The following ACOT11 variants were observed in gnomAD, a reference collection of about 807,000 sequenced individuals.
ACOT11 encodes acyl-CoA thioesterase 11.
Under a neutral mutation model 77.5 loss-of-function variants are expected in ACOT11, and 69 were observed. The observed-to-expected ratio is 0.89, with a 90% CI of 0.73 to 1.09. The LOEUF is 1.09. Ranked by LOEUF, ACOT11 falls within the 50% of genes least tolerant of loss-of-function variation. The pLI, the probability that ACOT11 is intolerant of heterozygous loss-of-function variation, is 0.00. For synonymous variants in ACOT11, 279 were observed against 313.0 expected (o/e 0.89, Z 1.15); for missense variants, 766 against 813.7 (o/e 0.94, Z 0.71).
intron 1 of ACOT11, chr1:54,582,643 TC>T: frequency 2.2e-6 from 1 of 457,488 alleles, no homozygotes; most frequent in Non-Finnish European, 2.9e-6. Context: ...TGACTGCTGG[TC>T]CAGGACTGTG....
chr1:54,616,017 T>C, intron 15 of ACOT11: 1 of 1,613,490 alleles, frequency 6.2e-7, no homozygotes, highest in Non-Finnish European at 8.5e-7. Flanking sequence ...GAGAGGCCCT[T>C]ACCCTTTTGG....
At chr1:54,551,241 T>C (rs2100932950) in intron 1 of ACOT11, among the ~76,000 whole-genome samples, 1 of 151,274 alleles carries the variant, frequency 6.6e-6, no homozygotes, top group South Asian at 2.1e-4. Flanking sequence ...TCTCAGATAA[T>C]CCACAAGCCC....
chr1:54,583,269 G>T (rs12408715), intron 1 of ACOT11, among the ~76,000 whole-genome samples: 1 of 151,968 alleles, frequency 6.6e-6, no homozygotes, highest in African/African-American at 2.4e-5. Flanking sequence ...CGTGTTTCTG[G>T]GAACCCATAA....
intron 4 of ACOT11, 123 bp downstream of exon 4, chr1:54,592,729 G>A (rs1255585120): frequency 1.1e-6 from 1 of 936,052 alleles, no homozygotes; most frequent in African/African-American, 1.7e-5. Flanking sequence ...GAGCAGCAGA[G>A]TTCTGTAATG....
chr1:54,619,932 C>A (rs147294199), intron 15 of ACOT11: 2 of 1,614,064 alleles, frequency 1.2e-6, no homozygotes, highest in Non-Finnish European at 1.7e-6. Flanking sequence ...CAAGGCATCT[C>A]GCCGGCTGAT....
intron 1 of ACOT11, among the ~76,000 whole-genome samples, chr1:54,581,640 G>A (rs1192031819): frequency 2.0e-5 from 3 of 152,110 alleles, no homozygotes; most frequent in African/African-American, 4.8e-5. Context: ...CACAGCTGCT[G>A]TCTGAGAGGG....
At chr1:54,585,338 G>A (rs1654460625) in intron 2 of ACOT11, among the ~76,000 whole-genome samples, 1 of 152,174 alleles carries the variant, frequency 6.6e-6, no homozygotes, top group African/African-American at 2.4e-5. Context: ...CACTGTTTCA[G>A]AGGCCCTGAC....
At chr1:54,549,042 T>A (rs1652973650) in intron 1 of ACOT11, among the ~76,000 whole-genome samples, 1 of 152,104 alleles carries the variant, frequency 6.6e-6, no homozygotes, top group Non-Finnish European at 1.5e-5. Flanking sequence ...CTGAGGATAT[T>A]TTCAGGAAAA....
At chr1:54,624,098 C>T (rs1046949916) in intron 15 of ACOT11, among the ~76,000 whole-genome samples, 19 of 152,284 alleles carry the variant, frequency 1.2e-4, no homozygotes, top group Non-Finnish European at 1.5e-5. Flanking sequence ...GTCACCACTT[C>T]ATGCAGAGGG....
rs1644072611 is a variant in ACOT11, at chr1:54,608,937, C to T, written c.1630-20C>T. The T allele has an allele frequency of 2.1e-5, 34 of 1,612,930 alleles. 1 individual carries two copies. The highest frequency in any genetic ancestry group is 2.7e-5 in the Non-Finnish European group (32 of 1,179,320). On this transcript the variant is annotated intron_variant, in intron 15 of 15. Coordinates refer to ENST00000343744, the MANE Select transcript of ACOT11 (RefSeq NM_147161.4). ...CCTCCCCTAGCTTGGTCCCCCTGAG[C>T]TTGGCTTCCCACCCTGCAGGTATCC...
At chr1:54,578,205 C>A (rs181189330) in intron 1 of ACOT11, among the ~76,000 whole-genome samples, 1 of 152,068 alleles carries the variant, frequency 6.6e-6, no homozygotes, top group Non-Finnish European at 1.5e-5. Context: ...GCTTGCTGCC[C>A]GTTAAGAATC....
downstream of ACOT11, chr1:54,614,902 C>T: frequency 1.3e-6 from 2 of 1,597,358 alleles, no homozygotes; most frequent in South Asian, 1.1e-5. Flanking sequence ...GGCGAAGGAA[C>T]TAGGAATACA....
At chr1:54,634,669 T>C (rs1440157705) in intron 16 of ACOT11, 1 of 701,338 alleles carries the variant, frequency 1.4e-6, no homozygotes, top group Non-Finnish European at 2.6e-6. Context: ...GGGTAGAGGT[T>C]ATGCTTGCGT....
chr1:54,603,918 C>G lies in ACOT11; in HGVS notation c.1133C>G (p.Pro378Arg), dbSNP rs976824842. Reference sequence around the variant, plus strand: ...CAGACAGAGGTGCCCCTCTCCGTCCCCTGGGACCCTAGCAACCAGGTAAGG... The same window carrying G: ...CAGACAGAGGTGCCCCTCTCCGTCCGCTGGGACCCTAGCAACCAGGTAAGG... Reference protein sequence around the residue: ...CKQTEVPLSVPWDPSNQVYLS... With the variant: ...CKQTEVPLSVRWDPSNQVYLS... The change falls in exon 11 of 16, where the codon CCC (proline) becomes CGC (arginine). Residue 378 changes from proline (P) to arginine (R), a missense_variant. Coordinates refer to ENST00000343744, the MANE Select transcript of ACOT11 (RefSeq NM_147161.4). The G allele has an allele frequency of 6.2e-7, 1 of 1,614,124 alleles. No individual in the cohort carries two copies. The highest frequency in any genetic ancestry group is 8.5e-7 in the Non-Finnish European group (1 of 1,179,998).
At chr1:54,548,509 A>C in intron 1 of ACOT11, 167 bp downstream of exon 1, 1 of 900,510 alleles carries the variant, frequency 1.1e-6, no homozygotes, top group South Asian at 1.7e-5. Flanking sequence ...GGGCTGGTTT[A>C]TTATCAGCAG....
chr1:54,548,412 C>T (rs1652948055), intron 1 of ACOT11, 70 bp downstream of exon 1: 11 of 1,530,734 alleles, frequency 7.2e-6, no homozygotes, highest in Non-Finnish European at 8.9e-6. Context: ...TTGATGTTTC[C>T]ATTTTAACTC....
chr1:54,564,344 T>C (rs1444563834), intron 1 of ACOT11, among the ~76,000 whole-genome samples: 1 of 152,266 alleles, frequency 6.6e-6, no homozygotes, highest in African/African-American at 2.4e-5. Context: ...AGTGCTTGGC[T>C]AACAGCACCC....
chr1:54,611,695 T>A, downstream of ACOT11: 1 of 1,614,080 alleles, frequency 6.2e-7, no homozygotes, highest in Non-Finnish European at 8.5e-7. Context: ...GTAGAGCAGA[T>A]CTTCCACCGA....
At position 54,609,879 on chromosome 1, in the gene ACOT11, G is replaced by GC. The variant is rs529394795; in HGVS notation, c.*768dup. 80 of 1,613,344 alleles carry GC rather than the reference G, an allele frequency of 5.0e-5. No homozygotes were observed. The African/African-American group carries it at 9.9e-4, about 20-fold the overall frequency. ...TTGCCACTTGGAGTATGAACAATGGGCACGGGGTTTTCAGCCACAGTTCCC... is the reference window on the plus strand; with the variant it reads ...TTGCCACTTGGAGTATGAACAATGGGCCACGGGGTTTTCAGCCACAGTTCCC... On this transcript the variant is annotated 3_prime_UTR_variant, in exon 16 of 16. Transcript: ENST00000343744.
Sources: gnomAD v4.1 joint callset for allele counts (sites outside exome capture counted in the v4.1 genomes callset) on GRCh38, gnomAD v4.1.1 for gene constraint, MANE v1.5 for transcripts, NCBI Gene and HGNC (gene_info 2026-07-23, HGNC 2026-07-21) for gene names.